The following AHNAK variants were observed in gnomAD, a reference collection of about 807,000 sequenced individuals.
AHNAK encodes AHNAK nucleoprotein.
A neutral mutation model predicts 37.8 loss-of-function variants in AHNAK; 23 were observed. The observed-to-expected ratio is 0.61, with a 90% confidence interval of 0.44 to 0.86. The LOEUF is 0.86. AHNAK is among the 40% of genes least tolerant of loss of function. The pLI is 0.00. For synonymous variants in AHNAK, 2,481 were observed against 2,636.3 expected (o/e 0.94, Z 1.80); for missense variants, 7,411 against 7,319.4 (o/e 1.01, Z -0.46).
intron 4 of AHNAK, among the ~76,000 whole-genome samples, chr11:62,509,872 C>G (rs780751754): frequency 6.6e-6 from 1 of 151,164 alleles, no homozygotes; most frequent in Non-Finnish European, 1.5e-5. Flanking sequence ...GAGCTAAGAT[C>G]GCACCACTAC....
intron 5 of AHNAK, among the ~76,000 whole-genome samples, chr11:62,485,099 G>T (rs1165482604): frequency 6.6e-6 from 1 of 152,048 alleles, no homozygotes; most frequent in African/African-American, 2.4e-5. Flanking sequence ...TTTGACTTAG[G>T]TTTCAAAAAG....
chr11:62,443,185 C>T (rs1938348179), intron 5 of AHNAK, among the ~76,000 whole-genome samples: 1 of 151,284 alleles, frequency 6.6e-6, no homozygotes, highest in Admixed American at 6.6e-5. Flanking sequence ...ACCATATTGG[C>T]CAGGCTTGTC....
Position 62,525,616 on chromosome 11 carries a change from C to A in AHNAK, c.8801G>T (p.Gly2934Val). 1.2e-6 allele frequency: 2 copies of A among 1,612,172 alleles called. No homozygotes were observed. Among genetic ancestry groups the A allele is most frequent in the Non-Finnish European group, 1.7e-6 (2 of 1,179,508 alleles). ...DVSGPKVDVE[G>V]PDVNIEGPEG... ...TGGTCCTTCAATGTTAACATCAGGG[C>A]CTTCAACGTCCACTTTGGGGCCTGA... The change falls in exon 5 of 5, where the codon GGC (glycine) becomes GTC (valine). Residue 2934 changes from glycine to valine, a missense_variant. Physicochemically the swap from Gly to Val is moderately radical, Grantham distance 109 (BLOSUM62 -3). Transcript: ENST00000378024.
intron 5 of AHNAK, among the ~76,000 whole-genome samples, chr11:62,489,330 TG>T (rs2134889584): frequency 6.6e-6 from 1 of 150,738 alleles, no homozygotes; most frequent in East Asian, 2.0e-4. Flanking sequence ...AAAGCCCACA[TG>T]GGAAGTGGTG....
At chr11:62,515,626 A>G (rs375250350), downstream of AHNAK, among the ~76,000 whole-genome samples, 263 of 152,368 alleles carry the variant, frequency 1.7e-3, 1 homozygote, top group African/African-American at 6.0e-3. Flanking sequence ...TTTAGAACCA[A>G]TTCTGAATTG....
At chr11:62,441,626 C>T (rs559965353) in intron 5 of AHNAK, among the ~76,000 whole-genome samples, 400 of 151,832 alleles carry the variant, frequency 2.6e-3, no homozygotes, top group Non-Finnish European at 4.9e-3. Flanking sequence ...CTTAGCCTCC[C>T]GAGTAGCTGG....
chr11:62,520,546 C>T lies in AHNAK; in HGVS notation c.13871G>A (p.Gly4624Asp). 6.2e-7 allele frequency: 1 copy of T among 1,614,190 alleles called. No homozygotes were observed. Among genetic ancestry groups the T allele is most frequent in the East Asian group, 2.2e-5 (1 of 44,888 alleles). Residue 4624 changes from glycine to aspartate, a missense_variant, in exon 5 of 5, where the codon GGC (glycine) becomes GAC (aspartate). Gly to Asp is a moderately conservative substitution (Grantham distance 94, BLOSUM62 -1). Coordinates refer to ENST00000378024, the MANE Select transcript of AHNAK (RefSeq NM_001620.3). ...SLPKVEGDLK[G>D]PEVDIRDPKV... is the part of the protein sequence containing the mutation. The stretch of plus-strand genomic sequence containing the variant: ...GGGGTCCCTGATGTCAACTTCGGGG[C>T]CCTTGAGGTCGCCTTCCACTTTGGG...
chr11:62,433,635 C>T (rs142763049), exon 6 of AHNAK: 39 of 580,030 alleles, frequency 6.7e-5, no homozygotes, highest in Admixed American at 9.6e-5. Flanking sequence ...CAAACCTAAG[C>T]CCACACTCTG....
rs752560791 is a variant in AHNAK at position 62,526,697 on chromosome 11, T to C, written c.7720A>G (p.Ile2574Val). ...GGCATGGAGATCTTGGGGGCTTTGA[T>C]GTTCATCTCTGGCATCTTTAACTTA... is the stretch of plus-strand genomic sequence containing the variant. The part of the protein sequence containing the change: ...GPKLKMPEMN[I>V]KAPKISMPDF... The change falls in exon 5 of 5, where the codon ATC becomes GTC. Residue 2574 changes from isoleucine (I) to valine (V), a missense_variant. By Grantham distance (29) the Ile-to-Val change is conservative. Transcript: ENST00000378024. 8 of 1,612,614 alleles carry C rather than the reference T, an allele frequency of 5.0e-6. No individual in the cohort carries two copies. Among genetic ancestry groups the C allele is most frequent in the Non-Finnish European group, 6.8e-6 (8 of 1,179,658 alleles).
At chr11:62,481,734 T>C (rs1939281369) in intron 5 of AHNAK, among the ~76,000 whole-genome samples, 1 of 151,822 alleles carries the variant, frequency 6.6e-6, no homozygotes, top group Non-Finnish European at 1.5e-5. Flanking sequence ...CCCACCACCA[T>C]GCCTGGCTAA....
rs573457382 is a variant in AHNAK at position 62,455,227 on chromosome 11, C to T, written c.443-21336G>A. 1.4e-4 allele frequency among the ~76,000 whole-genome samples: 22 copies of T among 151,874 alleles called. No homozygotes were observed. In the South Asian group the frequency reaches 4.6e-3, roughly 32 times the overall value. On this transcript the variant is annotated intron_variant, in intron 5 of 5. Transcript: ENST00000257247. ...GGATTACAGGCATGAGCCACCGCAC[C>T]CGGCCACATTTCTTAAGGAAATGCA...
downstream of AHNAK, among the ~76,000 whole-genome samples, chr11:62,511,743 G>A (rs530546308): frequency 1.3e-5 from 2 of 152,106 alleles, no homozygotes; most frequent in Non-Finnish European, 1.5e-5. Context: ...CAGAAAAAAC[G>A]AGAGACAGAG....
In AHNAK at chr11:62,518,222, C is replaced by G; in HGVS notation, c.16195G>C (p.Gly5399Arg). The change falls in exon 5 of 5, where the codon GGC (glycine) becomes CGC (arginine). Residue 5399 changes from glycine (G) to arginine (R), a missense_variant. Coordinates refer to ENST00000378024, the MANE Select transcript of AHNAK (RefSeq NM_001620.3). The part of the protein sequence containing the change: ...APDLSLEASE[G>R]SIKLPKMKLP... ...TTCATTTTGGGAAGTTTAATGCTGCCTTCGGATGCCTCCAAGCTTAGATCA... is the reference window on the plus strand; with the variant it reads ...TTCATTTTGGGAAGTTTAATGCTGCGTTCGGATGCCTCCAAGCTTAGATCA... 6.2e-7 allele frequency: 1 copy of G among 1,614,174 alleles called. No homozygotes were observed. Among genetic ancestry groups the G allele is most frequent in the Non-Finnish European group, 8.5e-7 (1 of 1,180,030 alleles).
intron 4 of AHNAK, among the ~76,000 whole-genome samples, chr11:62,508,511 A>T (rs1220734980): frequency 1.3e-5 from 2 of 152,218 alleles, no homozygotes; most frequent in Non-Finnish European, 2.9e-5. Context: ...TTTCATTCGT[A>T]ACCCTTTCCC....
At position 62,533,201 on chromosome 11, in the gene AHNAK, C is replaced by G; in HGVS notation, c.1216G>C (p.Gly406Arg). The G allele has an allele frequency of 6.5e-7, 1 of 1,527,828 alleles. No homozygotes were observed. The highest frequency in any genetic ancestry group is 8.8e-7 in the Non-Finnish European group (1 of 1,142,592). The allele number at this position is 1,527,828 out of a possible 1,614,324, so 94.6% of individuals were successfully genotyped here. Residue 406 changes from glycine to arginine, a missense_variant, in exon 5 of 5, where the codon GGT becomes CGT. Coordinates refer to ENST00000378024, the MANE Select transcript of AHNAK (RefSeq NM_001620.3). ...GVDASAPQIG[G>R]SITGPSVEVQ... ...TCCACACTGGGGCCAGTGATGCTAC[C>G]CCCAATTTGGGGAGCAGAGGCATCC... is the stretch of plus-strand genomic sequence containing the variant.
chr11:62,434,587 C>T (rs1165446521), intron 5 of AHNAK, among the ~76,000 whole-genome samples: 1 of 152,192 alleles, frequency 6.6e-6, no homozygotes, highest in African/African-American at 2.4e-5. Flanking sequence ...CATCTTACAC[C>T]TCCTGCGCTC....
In AHNAK at chr11:62,523,714, A is replaced by C. The variant is rs1565231505; in HGVS notation, c.10703T>G (p.Leu3568Arg). 2 of 1,613,262 alleles carry C rather than the reference A, an allele frequency of 1.2e-6. No individual in the cohort carries two copies. Among genetic ancestry groups the C allele is most frequent in the South Asian group, 2.2e-5 (2 of 91,028 alleles). Residue 3568 changes from leucine (L) to arginine (R), a missense_variant, in exon 5 of 5, where the codon CTT becomes CGT. Leu to Arg is a moderately radical substitution (Grantham distance 102). Coordinates refer to ENST00000378024, the MANE Select transcript of AHNAK (RefSeq NM_001620.3). ...KGDVDISLPK[L>R]EGDLKGPEVD... The stretch of plus-strand genomic sequence containing the variant: ...CTCTGGCCCTTTCAGATCCCCTTCA[A>C]GTTTGGGAAGAGAAATATCCACATC...
downstream of AHNAK, among the ~76,000 whole-genome samples, chr11:62,511,444 C>T (rs555914097): frequency 2.6e-5 from 4 of 151,956 alleles, no homozygotes; most frequent in Admixed American, 1.3e-4. Flanking sequence ...TTAGTAGAGA[C>T]GGGGTATCGC....
intron 5 of AHNAK, among the ~76,000 whole-genome samples, chr11:62,481,406 C>T (rs1452798775): frequency 6.6e-6 from 1 of 151,702 alleles, no homozygotes; most frequent in Non-Finnish European, 1.5e-5. Flanking sequence ...TGTACCTGGC[C>T]TTGGGCTTCC....
Sources: allele counts gnomAD v4.1 joint callset (sites outside exome capture counted in the v4.1 genomes callset), GRCh38; gene constraint gnomAD v4.1.1; transcripts MANE v1.5; gene names NCBI Gene and HGNC (gene_info 2026-07-23, HGNC 2026-07-21).